Variants in CACNA2D1 observed in about 807,000 individuals in gnomAD.
CACNA2D1 encodes the protein voltage-dependent calcium channel subunit alpha-2/delta-1.
In CACNA2D1, 53 loss-of-function variants were observed where a neutral mutation model predicts 171.5. That is an observed-to-expected ratio of 0.31 (90% confidence interval 0.25 to 0.39). The LOEUF (loss-of-function observed/expected upper bound fraction) is 0.39. Among genes scored for constraint, CACNA2D1 ranks in the 10% least tolerant of loss-of-function variants. The pLI is 1.00. For missense variants in CACNA2D1, 903 were observed against 1,299.8 expected, an observed-to-expected ratio of 0.69 and a Z score of 4.69; for synonymous variants, 442 against 443.1, an observed-to-expected ratio of 1.00 and a Z score of 0.03.
chr7:82,075,948 T>G (rs963787483), intron 7 of CACNA2D1, among the ~76,000 whole-genome samples: 1 of 152,150 alleles, frequency 6.6e-6, no homozygotes, highest in African/African-American at 2.4e-5. Context: ...CAATACTTAT[T>G]TACATATTTT....
At chr7:82,052,567 T>C (rs1646907380) in intron 10 of CACNA2D1, among the ~76,000 whole-genome samples, 1 of 152,104 alleles carries the variant, frequency 6.6e-6, no homozygotes, top group East Asian at 1.9e-4. Flanking sequence ...CAGTATATAC[T>C]CAAAATAAAG....
In CACNA2D1 at chr7:82,032,879, C is replaced by A; in HGVS notation, c.1061G>T (p.Cys354Phe). The change falls in exon 12 of 39, where the codon TGC becomes TTC. Residue 354 changes from cysteine to phenylalanine, a missense_variant. Cys to Phe is a radical substitution (Grantham distance 205). This residue lies in a region of CACNA2D1 where 623 missense variants were observed against 925.5 expected (regional missense o/e 0.67). Transcript: ENST00000356860. ...CGTGAATAGCATAATAATCTTATTG[C>A]AGTTTGCTCTGGAAACATTATACTG... ...LLNYNVSRAN[C>F]NKIIMLFTDG... 1 of 1,596,212 alleles carries A rather than the reference C, an allele frequency of 6.3e-7. No homozygotes were observed. The highest frequency in any genetic ancestry group is 8.6e-7 in the Non-Finnish European group (1 of 1,164,818).
At chr7:82,243,560 T>C (rs1804564543) in intron 3 of CACNA2D1, among the ~76,000 whole-genome samples, 1 of 152,204 alleles carries the variant, frequency 6.6e-6, no homozygotes, top group Non-Finnish European at 1.5e-5. Flanking sequence ...ATACTTGTTA[T>C]TTGACAAGCA....
At chr7:82,136,321 G>A (rs968793884) in intron 5 of CACNA2D1, among the ~76,000 whole-genome samples, 1 of 151,978 alleles carries the variant, frequency 6.6e-6, no homozygotes, top group Non-Finnish European at 1.5e-5. Flanking sequence ...GAAGTAGATG[G>A]GATTGGATAG....
At chr7:82,152,620 A>T (rs1793980722) in intron 4 of CACNA2D1, among the ~76,000 whole-genome samples, 1 of 152,034 alleles carries the variant, frequency 6.6e-6, no homozygotes, top group Non-Finnish European at 1.5e-5. Context: ...TTAAAATTCA[A>T]TATTGTTGCA....
rs548205213 is a variant in CACNA2D1, at chr7:82,128,101, T to G, written c.396+8534A>C. On this transcript the variant is annotated intron_variant, in intron 5 of 38. Transcript: ENST00000356860. ...ACCATGCCCAGCTAATTTTAGTTTT[T>G]TTTTTTTTTGTAGAGACAGGGTGTC... Among the ~76,000 whole-genome samples, 41 of 151,934 alleles carry G rather than the reference T, an allele frequency of 2.7e-4. No homozygotes were observed. The South Asian group carries it at 3.5e-3, about 13-fold the overall frequency.
intron 7 of CACNA2D1, among the ~76,000 whole-genome samples, chr7:82,067,238 A>C (rs1807753519): frequency 6.6e-6 from 1 of 152,192 alleles, no homozygotes; most frequent in Non-Finnish European, 1.5e-5. Context: ...AAAGCTTTAC[A>C]TGCATGCACA....
chr7:82,003,107 G>C (rs952042842), intron 18 of CACNA2D1, among the ~76,000 whole-genome samples: 3 of 152,002 alleles, frequency 2.0e-5, no homozygotes, highest in East Asian at 3.9e-4. Context: ...GTATCAATCT[G>C]TATAGCGTGC....
At chr7:82,060,377 A>G (rs776598537) in intron 10 of CACNA2D1, 51 bp downstream of exon 10, 3 of 1,168,396 alleles carry the variant, frequency 2.6e-6, no homozygotes, top group South Asian at 2.4e-5. Context: ...AGTCAGGAGA[A>G]GATAGAAATT....
intron 25 of CACNA2D1, among the ~76,000 whole-genome samples, chr7:81,974,055 C>A (rs1297592416): frequency 6.6e-6 from 1 of 151,658 alleles, no homozygotes; most frequent in Non-Finnish European, 1.5e-5. Flanking sequence ...TTATTCTACC[C>A]ATATTAAAAC....
intron 32 of CACNA2D1, among the ~76,000 whole-genome samples, chr7:81,965,131 G>GT (rs1028809189): frequency 2.0e-5 from 3 of 151,800 alleles, no homozygotes; most frequent in Admixed American, 2.0e-4. Flanking sequence ...TTTTTGCTTT[G>GT]TTTTTTCAAA....
chr7:82,096,991 T>C (rs1243866777), intron 6 of CACNA2D1, among the ~76,000 whole-genome samples: 1 of 152,036 alleles, frequency 6.6e-6, no homozygotes, highest in African/African-American at 2.4e-5. Context: ...CACCTGCCTA[T>C]CAGAAACTAA....
Position 82,032,809 on chromosome 7 carries a change from A to G in CACNA2D1, c.1131T>C (p.Asn377=), listed in dbSNP as rs775935356. The G allele has an allele frequency of 6.6e-7, 1 of 1,519,514 alleles. No individual in the cohort carries two copies. 94.1% of individuals were successfully genotyped at this position (1,519,514 alleles called of 1,614,324 possible). Residue 377 remains asparagine, a synonymous_variant, in exon 12 of 39, where the codon AAT becomes AAC. Coordinates refer to ENST00000356860, the MANE Select transcript of CACNA2D1 (RefSeq NM_000722.4). Reference sequence around the variant, plus strand: ...AAATTACACTCACTTTTTTATCTTTATTGTATTTGTTAAATATCTCCTGGG... The same window carrying G: ...AAATTACACTCACTTTTTTATCTTTGTTGTATTTGTTAAATATCTCCTGGG... ...ERAQEIFNKY[N]KDKKVRVFTF...
intron 3 of CACNA2D1, among the ~76,000 whole-genome samples, chr7:82,328,048 G>GC (rs1401222040): frequency 6.6e-6 from 1 of 152,020 alleles, no homozygotes; most frequent in East Asian, 1.9e-4. Flanking sequence ...GTAAGTTTGT[G>GC]CCCCTTGATG....
intron 4 of CACNA2D1, among the ~76,000 whole-genome samples, chr7:82,161,781 AG>A (rs2129133553): frequency 6.6e-6 from 1 of 152,174 alleles, no homozygotes; most frequent in South Asian, 2.1e-4. Context: ...ATGAGCCTAA[AG>A]CTCAGAAAAG....
intron 3 of CACNA2D1, among the ~76,000 whole-genome samples, chr7:82,250,964 G>A (rs1349389680): frequency 2.6e-5 from 4 of 152,080 alleles, no homozygotes; most frequent in African/African-American, 9.7e-5. Flanking sequence ...AAAAATTAGA[G>A]AGTCTGTTGT....
chr7:82,136,771 T>C (rs980245857), intron 4 of CACNA2D1, 95 bp from the exon 5 acceptor site: 79 of 848,276 alleles, frequency 9.3e-5, no homozygotes, highest in Non-Finnish European at 1.4e-4. Context: ...ATAAACTCCT[T>C]GTCATCTTTC....
At chr7:82,293,265 G>A (rs779169788) in intron 3 of CACNA2D1, among the ~76,000 whole-genome samples, 9 of 151,202 alleles carry the variant, frequency 6.0e-5, no homozygotes, top group Non-Finnish European at 8.9e-5. Flanking sequence ...GCATTGTCTC[G>A]GTTGCCTCTG....
intron 3 of CACNA2D1, among the ~76,000 whole-genome samples, chr7:82,241,651 G>T (rs138025962): frequency 3.6e-4 from 54 of 152,112 alleles, no homozygotes; most frequent in Non-Finnish European, 5.6e-4. Flanking sequence ...AGAAGCAGAG[G>T]GGGGAGGAAG....
Sources: gnomAD v4.1 joint callset for allele counts (sites outside exome capture counted in the v4.1 genomes callset) on GRCh38, gnomAD v4.1.1 for gene constraint, gnomAD v4.1.1 regional missense constraint, MANE v1.5 for transcripts, NCBI Gene and HGNC (gene_info 2026-07-23, HGNC 2026-07-21) for gene names.